The following LRGUK variants were observed in gnomAD, a reference collection of about 807,000 sequenced individuals.
LRGUK encodes leucine-rich repeat and guanylate kinase domain-containing protein.
LRGUK carries 65 observed loss-of-function variants against 76.0 expected under a neutral mutation model. The ratio of observed to expected loss-of-function variants is 0.85; its 90% CI spans 0.70 to 1.05. LRGUK has a LOEUF of 1.05. Among genes scored for constraint, LRGUK ranks in the 50% least tolerant of loss-of-function variants. The pLI is 0.00. For missense variants in LRGUK, 758 were observed against 732.8 expected (o/e 1.03, Z -0.40); for synonymous variants, 268 against 265.6 (o/e 1.01, Z -0.09).
At chr7:134,247,751 A>G (rs1161743262) in intron 17 of LRGUK, 107 bp downstream of exon 17, 1 of 761,112 alleles carries the variant, frequency 1.3e-6, no homozygotes. Context: ...CCTAAAATGG[A>G]CCCAGTGTTT....
chr7:134,197,073 G>C (rs1800518824), exon 13 of LRGUK: 1 of 1,609,910 alleles, frequency 6.2e-7, no homozygotes, highest in East Asian at 2.2e-5. Context: ...CGCAAGAGAT[G>C]GTTTGGCAAG....
At chr7:134,237,942 G>A (rs367947274) in intron 16 of LRGUK, among the ~76,000 whole-genome samples, 15 of 152,058 alleles carry the variant, frequency 9.9e-5, no homozygotes, top group South Asian at 4.2e-4. Flanking sequence ...AAATTACTCC[G>A]TTGATTTATC....
At chr7:134,266,771 A>G (rs190055922), downstream of LRGUK, among the ~76,000 whole-genome samples, 1 of 152,328 alleles carries the variant, frequency 6.6e-6, no homozygotes, top group Admixed American at 6.5e-5. Context: ...AATTTGGCAA[A>G]AGCCAAAAAC....
chr7:134,159,498 A>C (rs1160061495), intron 6 of LRGUK, among the ~76,000 whole-genome samples: 1 of 152,110 alleles, frequency 6.6e-6, no homozygotes, highest in African/African-American at 2.4e-5. Flanking sequence ...TGCTTTCTTA[A>C]AACTCTTCCA....
At chr7:134,159,848 A>G (rs775549827) in intron 6 of LRGUK, among the ~76,000 whole-genome samples, 4 of 152,214 alleles carry the variant, frequency 2.6e-5, no homozygotes, top group Non-Finnish European at 5.9e-5. Context: ...GCAGTGAGTT[A>G]GGTCAGGATA....
At position 134,143,844 on chromosome 7, in the gene LRGUK, A is replaced by G. The variant is rs554163555; in HGVS notation, c.588+682A>G. Among the ~76,000 whole-genome samples, 27 of 152,302 alleles carry G rather than the reference A, an allele frequency of 1.8e-4. No homozygotes were observed. The South Asian group carries it at 5.6e-3, about 32-fold the overall frequency. On this transcript the variant is annotated intron_variant, in intron 4 of 15. Coordinates refer to ENST00000645682, the Ensembl canonical transcript of LRGUK. ...CAAATCACCTGTGGTTCTTGTGAAA[A>G]GGGAATTCTGACCCATTAGGTCTGG...
chr7:134,222,865 T>C (rs1388080962), intron 16 of LRGUK, among the ~76,000 whole-genome samples: 1 of 152,150 alleles, frequency 6.6e-6, no homozygotes, highest in Non-Finnish European at 1.5e-5. Flanking sequence ...CCCAAAGTGC[T>C]GGGATTACAG....
intron 18 of LRGUK, 37 bp downstream of exon 18, chr7:134,249,113 T>G (rs1802383714): frequency 6.6e-7 from 1 of 1,519,542 alleles, no homozygotes; most frequent in African/African-American, 1.4e-5. Context: ...AATTGGCTAT[T>G]TTCTGCTGGT....
intron 12 of LRGUK, among the ~76,000 whole-genome samples, chr7:134,192,565 A>G (rs1313682576): frequency 6.6e-6 from 1 of 152,198 alleles, no homozygotes; most frequent in Non-Finnish European, 1.5e-5. Context: ...AAAACAACTT[A>G]TATGTTCCTT....
intron 10 of LRGUK, among the ~76,000 whole-genome samples, chr7:134,179,908 T>G (rs533122161): frequency 3.9e-5 from 6 of 152,238 alleles, no homozygotes; most frequent in African/African-American, 1.4e-4. Context: ...GCACCAGAAG[T>G]CAGGATCCAG....
chr7:134,201,746 T>G (rs1162127410), intron 15 of LRGUK, among the ~76,000 whole-genome samples, 170 bp downstream of exon 15: 1 of 152,200 alleles, frequency 6.6e-6, no homozygotes, highest in Non-Finnish European at 1.5e-5. Context: ...GTCAGCTTTC[T>G]GGACCTGTAA....
chr7:134,129,055 TTCTTTCTTTC>T, intron 1 of LRGUK, among the ~76,000 whole-genome samples: 1 of 149,880 alleles, frequency 6.7e-6, no homozygotes, highest in Non-Finnish European at 1.5e-5. Context: ...CTTTTCTTTT[TTCTTTCTTTC>T]TCTTTCTTTC....
chr7:134,176,986 G>A, exon 9 of LRGUK: 3 of 1,590,862 alleles, frequency 1.9e-6, no homozygotes, highest in Non-Finnish European at 2.6e-6. Flanking sequence ...GGAAAAGTCT[G>A]AATATTGGTT....
At chr7:134,204,266 G>C (rs1800911660) in intron 15 of LRGUK, among the ~76,000 whole-genome samples, 1 of 152,134 alleles carries the variant, frequency 6.6e-6, no homozygotes, top group Admixed American at 6.5e-5. Flanking sequence ...TTGCCATTTG[G>C]TAAATTAATA....
chr7:134,245,258 T>C (rs1465957917), intron 16 of LRGUK, among the ~76,000 whole-genome samples: 1 of 152,202 alleles, frequency 6.6e-6, no homozygotes, highest in Non-Finnish European at 1.5e-5. Flanking sequence ...ACTCAAACAC[T>C]ACTGGAATGG....
rs770987656 is a variant in LRGUK, at chr7:134,191,698, C to T, written c.1378C>T (p.Arg460Ter). 1.6e-5 allele frequency: 26 copies of T among 1,612,606 alleles called. No individual in the cohort carries two copies. Among genetic ancestry groups the T allele is most frequent in the Non-Finnish European group, 2.1e-5 (25 of 1,179,454 alleles). The change falls in exon 12 of 16, where the codon CGA becomes TGA. Residue 460 changes from arginine to a stop codon, truncating the protein, a stop_gained. Transcript: ENST00000645682. LOFTEE classifies it high-confidence loss of function. ...ACCACCTTACTTTGGAGAAGGGGATCGAGTTGATTATCATTTTATCTCTCA... is the reference window on the plus strand; with the variant it reads ...ACCACCTTACTTTGGAGAAGGGGATTGAGTTGATTATCATTTTATCTCTCA...
chr7:134,171,343 G>A (rs981040596), intron 7 of LRGUK, among the ~76,000 whole-genome samples: 3 of 151,652 alleles, frequency 2.0e-5, no homozygotes. Flanking sequence ...AAATGTGGCA[G>A]CGAAAAAAAT....
chr7:134,202,930 C>A (rs914024466), intron 15 of LRGUK, among the ~76,000 whole-genome samples: 2 of 152,070 alleles, frequency 1.3e-5, no homozygotes, highest in African/African-American at 4.8e-5. Flanking sequence ...GATGGCCGGG[C>A]GTGGTGGCTC....
intron 19 of LRGUK, among the ~76,000 whole-genome samples, chr7:134,262,970 CAA>C (rs3030443): frequency 1.8e-3 from 166 of 89,930 alleles, no homozygotes; most frequent in East Asian, 0.011. Flanking sequence ...GACCTGGTCT[CAA>C]AAAAAAAAAA....
Sources: gnomAD v4.1 joint callset for allele counts (sites outside exome capture counted in the v4.1 genomes callset) on GRCh38, gnomAD v4.1.1 for gene constraint, MANE v1.5 for transcripts, NCBI Gene and HGNC (gene_info 2026-07-23, HGNC 2026-07-21) for gene names.